The following FAM107A variants were observed in gnomAD, a reference collection of about 807,000 sequenced individuals.
FAM107A encodes family with sequence similarity 107 member A.
FAM107A carries 19 observed loss-of-function variants against 13.7 expected under a neutral mutation model. The observed-to-expected ratio is 1.38, with a 90% CI of 0.97 to 2.03. The LOEUF (loss-of-function observed/expected upper bound fraction) is 2.03. Among genes scored for constraint, FAM107A ranks in the 30% most tolerant of loss-of-function variants. FAM107A has a pLI of 0.00. For synonymous variants in FAM107A, 82 were observed against 74.5 expected (o/e 1.10, Z -0.52); for missense variants, 203 against 184.4 (o/e 1.10, Z -0.58).
In FAM107A at chr3:58,601,925, G is replaced by T. The variant is rs566782035; in HGVS notation, c.-69-12656C>A. On this transcript the variant is annotated intron_variant, in intron 1 of 3. Transcript: ENST00000465970. ...TTGTGGTGTAAACGTGGATGGGGCCGGGAGAGGGGACTTGGCAAGGGGGCT... is the reference window on the plus strand; with the variant it reads ...TTGTGGTGTAAACGTGGATGGGGCCTGGAGAGGGGACTTGGCAAGGGGGCT... Among the ~76,000 whole-genome samples the T allele has an allele frequency of 2.0e-5, 3 of 152,274 alleles. No homozygotes were observed. The East Asian group carries it at 5.8e-4, about 29-fold the overall frequency.
At chr3:58,584,567 C>G (rs2065583071) in intron 1 of FAM107A, among the ~76,000 whole-genome samples, 1 of 152,182 alleles carries the variant, frequency 6.6e-6, no homozygotes, top group African/African-American at 2.4e-5. Flanking sequence ...GAACCTCGGT[C>G]TTCTTATCTC....
At chr3:58,567,942 A>C (rs11707923) in intron 2 of FAM107A, among the ~76,000 whole-genome samples, 56,188 of 151,780 alleles carry the variant, frequency 0.37, 11,171 homozygotes, top group East Asian at 0.77. Flanking sequence ...CTGTATTATC[A>C]ATATTATTTT....
At chr3:58,596,265 C>T (rs1463330206) in intron 1 of FAM107A, among the ~76,000 whole-genome samples, 1 of 152,226 alleles carries the variant, frequency 6.6e-6, no homozygotes, top group Admixed American at 6.5e-5. Flanking sequence ...GAGGCTGAGA[C>T]CTCAATGTGA....
upstream of FAM107A, among the ~76,000 whole-genome samples, chr3:58,588,161 G>C (rs1282522630): frequency 1.3e-5 from 2 of 152,200 alleles, no homozygotes; most frequent in Admixed American, 6.5e-5. Context: ...ACCCAATCCA[G>C]TTCTCAGCCC....
At chr3:58,566,936 C>A in intron 3 of FAM107A, 1 of 607,738 alleles carries the variant, frequency 1.6e-6, no homozygotes, top group Non-Finnish European at 2.9e-6. Flanking sequence ...AATGGGAATG[C>A]CACCTGGCTC....
At chr3:58,591,599 C>T (rs984825598), upstream of FAM107A, among the ~76,000 whole-genome samples, 1 of 152,198 alleles carries the variant, frequency 6.6e-6, no homozygotes, top group African/African-American at 2.4e-5. The surrounding 1 kb of genome is among the most constrained non-coding windows in gnomAD (Gnocchi z 4.3). Context: ...GTTCCCTTCA[C>T]CTGGGAAGCT....
chr3:58,572,346 T>C (rs1176833754), intron 1 of FAM107A, among the ~76,000 whole-genome samples: 5 of 151,950 alleles, frequency 3.3e-5, no homozygotes, highest in African/African-American at 1.2e-4. Flanking sequence ...CACAAAAGGC[T>C]CCAGGCTCCC....
At chr3:58,600,620 A>C (rs1227077992) in intron 1 of FAM107A, among the ~76,000 whole-genome samples, 1 of 152,232 alleles carries the variant, frequency 6.6e-6, no homozygotes, top group Non-Finnish European at 1.5e-5. Context: ...GGATATGTTC[A>C]CTGTCTTTCT....
chr3:58,570,377 T>C, intron 1 of FAM107A: 3 of 985,050 alleles, frequency 3.0e-6, no homozygotes, highest in Non-Finnish European at 3.6e-6. Context: ...CTTTTCATTT[T>C]CTTCACATCA....
At chr3:58,573,030 C>G (rs563096283) in intron 1 of FAM107A, among the ~76,000 whole-genome samples, 7 of 123,172 alleles carry the variant, frequency 5.7e-5, no homozygotes, top group Non-Finnish European at 1.2e-4. Flanking sequence ...GGCTCAATGA[C>G]TTGCTCCAGG....
upstream of FAM107A, among the ~76,000 whole-genome samples, chr3:58,589,421 T>C (rs2065637011): frequency 6.6e-6 from 1 of 152,158 alleles, no homozygotes; most frequent in African/African-American, 2.4e-5. Context: ...TACCATAGTC[T>C]TTGGAATGGA....
upstream of FAM107A, among the ~76,000 whole-genome samples, chr3:58,591,391 G>A (rs1430793645): frequency 6.6e-6 from 1 of 152,134 alleles, no homozygotes; most frequent in Non-Finnish European, 1.5e-5. This position sits in a 1 kb window ranked among gnomAD's most constrained non-coding sequence, Gnocchi z 4.3. Context: ...TTCCGAGCTG[G>A]GCTGTGCCCG....
In FAM107A at chr3:58,583,232, G is replaced by T. The variant is rs146388158; in HGVS notation, c.79+3626C>A. 1.7e-4 allele frequency among the ~76,000 whole-genome samples: 26 copies of T among 152,368 alleles called. No individual in the cohort carries two copies. In the East Asian group the frequency reaches 5.0e-3, roughly 29 times the overall value. On this transcript the variant is annotated intron_variant, in intron 1 of 3. Coordinates refer to the FAM107A transcript ENST00000447756. ...GGAGGCATTTCCAAATGTTATGTGT[G>T]GCCGCCCGTGGTTAGTGGGATTATG...
intron 1 of FAM107A, chr3:58,608,093 A>G (rs1308413177): frequency 1.3e-5 from 2 of 152,148 alleles, no homozygotes; most frequent in African/African-American, 4.8e-5. Context: ...TTTCTGCTCT[A>G]CTTACCAGTT....
At chr3:58,595,041 T>C (rs566246916) in intron 1 of FAM107A, among the ~76,000 whole-genome samples, 18 of 152,254 alleles carry the variant, frequency 1.2e-4, no homozygotes, top group South Asian at 4.1e-4. Flanking sequence ...AATCATTCTA[T>C]ATGACAAATG....
chr3:58,619,389 A>G (rs1455958941), intron 1 of FAM107A, among the ~76,000 whole-genome samples: 3 of 152,082 alleles, frequency 2.0e-5, no homozygotes, highest in African/African-American at 7.2e-5. Context: ...ACCGAACCAA[A>G]TCTGTGGCAG....
upstream of FAM107A, among the ~76,000 whole-genome samples, chr3:58,590,663 A>C (rs1302954460): frequency 6.6e-6 from 1 of 152,188 alleles, no homozygotes; most frequent in Non-Finnish European, 1.5e-5. Flanking sequence ...GCACGCAAGG[A>C]AGTGCCACAC....
intron 1 of FAM107A, among the ~76,000 whole-genome samples, chr3:58,620,282 G>T (rs1022251035): frequency 4.6e-5 from 7 of 152,126 alleles, no homozygotes; most frequent in Non-Finnish European, 1.0e-4. Flanking sequence ...TGGTGTCATG[G>T]GGTCCCTGAG....
chr3:58,624,328 AG>A (rs2065988874), intron 1 of FAM107A, among the ~76,000 whole-genome samples: 1 of 152,212 alleles, frequency 6.6e-6, no homozygotes, highest in African/African-American at 2.4e-5. Context: ...TGCCCTTGAT[AG>A]GGGCAGATTT....
Sources: gnomAD v4.1 joint callset for allele counts (sites outside exome capture counted in the v4.1 genomes callset) on GRCh38, gnomAD v4.1.1 for gene constraint, Gnocchi (gnomAD v3.1) non-coding constraint, MANE v1.5 for transcripts, NCBI Gene and HGNC (gene_info 2026-07-23, HGNC 2026-07-21) for gene names.